RNF10: variants seen among roughly 807,000 people sequenced by gnomAD.
RNF10 encodes the protein ring finger protein 10, also known as E3 ubiquitin-protein ligase RNF10.
In RNF10, 38 loss-of-function variants were observed where a neutral mutation model predicts 91.4. The observed-to-expected ratio is 0.42, with a 90% CI of 0.32 to 0.54. RNF10 has a LOEUF of 0.54. Ranked by LOEUF, RNF10 falls within the 20% of genes least tolerant of loss-of-function variation. RNF10 has a pLI of 0.16. For synonymous variants in RNF10, 364 were observed against 366.3 expected (o/e 0.99, Z 0.07); for missense variants, 945 against 1,012.0 (o/e 0.93, Z 0.90).
intron 1 of RNF10, among the ~76,000 whole-genome samples, chr12:120,544,716 C>T (rs967872426): frequency 4.6e-5 from 7 of 152,108 alleles, no homozygotes; most frequent in Admixed American, 1.3e-4. Flanking sequence ...ATCGGTGTAA[C>T]GGTTCTAGAA....
At chr12:120,536,903 A>G (rs1870907276) in intron 1 of RNF10, among the ~76,000 whole-genome samples, 1 of 152,184 alleles carries the variant, frequency 6.6e-6, no homozygotes, top group Non-Finnish European at 1.5e-5. Flanking sequence ...GACAACTTAA[A>G]ATAAAACAAA....
In RNF10 at chr12:120,534,735, G is replaced by A; in HGVS notation, c.-77G>A. 7.0e-7 allele frequency: 1 copy of A among 1,429,618 alleles called. No individual in the cohort carries two copies. Among genetic ancestry groups the A allele is most frequent in the Non-Finnish European group, 9.1e-7 (1 of 1,104,010 alleles). The allele number at this position is 1,429,618 out of a possible 1,614,324, so 88.6% of individuals were successfully genotyped here. On this transcript the variant is annotated 5_prime_UTR_variant, in exon 1 of 17. Transcript: ENST00000325954. Reference sequence around the variant, plus strand: ...ACCGCTGCCGCCGCCGACCCCCGCCGGCCCTGAACGCCATGAGCCTGGGTC... The same window carrying A: ...ACCGCTGCCGCCGCCGACCCCCGCCAGCCCTGAACGCCATGAGCCTGGGTC...
chr12:120,565,214 T>C lies in RNF10; in HGVS notation c.1783+25T>C, dbSNP rs753666425. 1.2e-5 allele frequency: 18 copies of C among 1,479,156 alleles called. No homozygotes were observed. In the South Asian group the frequency reaches 1.9e-4, roughly 16 times the overall value. The allele number at this position is 1,479,156 out of a possible 1,614,324, so 91.6% of individuals were successfully genotyped here. A position where few individuals can be genotyped will look rare whatever the true frequency, so the allele number is the denominator to read the frequency against. On this transcript the variant is annotated intron_variant, in intron 11 of 16. Transcript: ENST00000325954. ...GGTGAGAATGCCCCTGCTCTGCTTC[T>C]CTTTATAGTAGGGTTCAGGGATTCT...
At chr12:120,547,676 G>A (rs529997681) in intron 2 of RNF10, among the ~76,000 whole-genome samples, 3 of 152,280 alleles carry the variant, frequency 2.0e-5, no homozygotes, top group African/African-American at 7.2e-5. Flanking sequence ...GCGTTTATTG[G>A]TTTGAGGTAA....
intron 6 of RNF10, among the ~76,000 whole-genome samples, chr12:120,560,313 G>A (rs1219254122): frequency 2.6e-5 from 4 of 151,746 alleles, no homozygotes; most frequent in African/African-American, 7.3e-5. Context: ...TACCAGGCCC[G>A]ACTAACTTTT....
chr12:120,569,426 T>C (rs1876259097), intron 13 of RNF10, among the ~76,000 whole-genome samples: 1 of 152,080 alleles, frequency 6.6e-6, no homozygotes, highest in Non-Finnish European at 1.5e-5. Flanking sequence ...AGAACTGGGA[T>C]TAGAACCTGG....
rs1419123251 is a variant in RNF10, at chr12:120,562,949, G to A, written c.1133G>A (p.Arg378Gln). The A allele has an allele frequency of 5.6e-6, 9 of 1,613,888 alleles. No homozygotes were observed. The highest frequency in any genetic ancestry group is 1.7e-5 in the Admixed American group (1 of 60,010). ...IEAAIQELKT[R>Q]EEALSGLAGS... ...TGTTCTCTCTGGCCACGTTAGACTCGGGAAGAGGCTCTGTCGGGATTGGCC... is the reference window on the plus strand; with the variant it reads ...TGTTCTCTCTGGCCACGTTAGACTCAGGAAGAGGCTCTGTCGGGATTGGCC... The change falls in exon 8 of 17, where the codon CGG (arginine) becomes CAG (glutamine). Residue 378 changes from arginine to glutamine, a missense_variant. Physicochemically the swap from Arg to Gln is conservative, Grantham distance 43 (BLOSUM62 1). Coordinates refer to ENST00000325954, the MANE Select transcript of RNF10 (RefSeq NM_014868.5).
intron 2 of RNF10, among the ~76,000 whole-genome samples, chr12:120,551,683 G>A (rs1027904851): frequency 2.0e-4 from 31 of 152,034 alleles, no homozygotes; most frequent in African/African-American, 7.0e-4. Context: ...GAGTGCAGTG[G>A]CTATTTGCAG....
chr12:120,541,437 CTT>C (rs3049456), intron 1 of RNF10, among the ~76,000 whole-genome samples: 11 of 140,556 alleles, frequency 7.8e-5, no homozygotes, highest in Non-Finnish European at 9.2e-5. Context: ...CTGAGTTTTC[CTT>C]TTTTTTTTTT....
rs987995492 is a variant in RNF10, at chr12:120,566,963, G to A, written c.2024G>A (p.Ser675Asn). The change falls in exon 13 of 17, where the codon AGT becomes AAT. Residue 675 changes from serine (S) to asparagine (N), a missense_variant. Physicochemically the swap from Ser to Asn is conservative, Grantham distance 46 (BLOSUM62 1). Coordinates refer to ENST00000325954, the MANE Select transcript of RNF10 (RefSeq NM_014868.5). ...CTCTCCATTTCTCCTCTCAGCAGAA[G>A]TCCAGGTTCCCATGCAGGTAAACAG... is the stretch of plus-strand genomic sequence containing the variant. ...GALSISPLSR[S>N]PGSHADFLLT... The A allele has an allele frequency of 6.2e-7, 1 of 1,603,190 alleles. No homozygotes were observed. The highest frequency in any genetic ancestry group is 8.5e-7 in the Non-Finnish European group (1 of 1,177,390).
intron 12 of RNF10, 40 bp downstream of exon 12, chr12:120,565,569 A>G (rs1875570303): frequency 1.9e-6 from 3 of 1,548,418 alleles, no homozygotes; most frequent in Non-Finnish European, 2.7e-6. Context: ...GCACTGCTGT[A>G]CGTCGTTGTA....
chr12:120,557,239 C>CA lies in RNF10; in HGVS notation c.646-42dup, dbSNP rs1434664643. 9 of 1,594,540 alleles carry CA rather than the reference C, an allele frequency of 5.6e-6. No individual in the cohort carries two copies. In the Admixed American group the frequency reaches 6.7e-5, roughly 12 times the overall value. On this transcript the variant is annotated intron_variant, in intron 4 of 16. Transcript: ENST00000325954. ...GCCTAAAACTTTGACAGTCCCTAAT[C>CA]AGTTCTTCAAGCAGTGAACCTTCTG...
chr12:120,542,377 C>T (rs1411160095), intron 1 of RNF10, among the ~76,000 whole-genome samples: 5 of 152,048 alleles, frequency 3.3e-5, no homozygotes, highest in Admixed American at 3.3e-4. Flanking sequence ...TGGTCGCAAA[C>T]TCGTGGACTC....
intron 13 of RNF10, among the ~76,000 whole-genome samples, chr12:120,567,435 G>C (rs2137246222): frequency 6.6e-6 from 1 of 152,274 alleles, no homozygotes; most frequent in South Asian, 2.1e-4. Context: ...GGGCGTGGTG[G>C]CTTATGCCTG....
intron 4 of RNF10, among the ~76,000 whole-genome samples, chr12:120,556,554 AAAAG>A: frequency 6.7e-6 from 1 of 148,414 alleles, no homozygotes; most frequent in South Asian, 2.1e-4. Context: ...AAAAAAAAAA[AAAAG>A]CTTGAACTCT....
intron 4 of RNF10, 57 bp downstream of exon 4, chr12:120,554,865 G>C: frequency 7.4e-7 from 1 of 1,355,236 alleles, no homozygotes; most frequent in Non-Finnish European, 1.1e-6. Context: ...TAAAGGCACT[G>C]TGGTGACGCA....
chr12:120,558,263 T>C (rs1328125287), intron 6 of RNF10, among the ~76,000 whole-genome samples: 2 of 152,140 alleles, frequency 1.3e-5, no homozygotes, highest in African/African-American at 4.8e-5. Context: ...ATGTAAAAAA[T>C]CCAAAAGTTT....
chr12:120,555,852 G>A (rs1367057748), intron 4 of RNF10, among the ~76,000 whole-genome samples: 3 of 149,986 alleles, frequency 2.0e-5, no homozygotes, highest in Non-Finnish European at 3.0e-5. Flanking sequence ...GCAGTGGCGC[G>A]ATGTTGGCTC....
chr12:120,565,219 ATAG>A (rs1347480178), intron 11 of RNF10, 30 bp downstream of exon 11: 1 of 1,457,278 alleles, frequency 6.9e-7, no homozygotes, highest in Admixed American at 1.7e-5. Context: ...GCTTCTCTTT[ATAG>A]TAGGGTTCAG....
Sources: allele counts gnomAD v4.1 joint callset (sites outside exome capture counted in the v4.1 genomes callset), GRCh38; gene constraint gnomAD v4.1.1; transcripts MANE v1.5; gene names NCBI Gene and HGNC (gene_info 2026-07-23, HGNC 2026-07-21).